The following OVCH2 variants were observed in gnomAD, a reference collection of about 807,000 sequenced individuals.
OVCH2 encodes the protein ovochymase 2, also known as ovochymase-2.
In OVCH2, 88 loss-of-function variants were observed where a neutral mutation model predicts 73.7. The observed-to-expected ratio is 1.19, with a 90% CI of 1.01 to 1.43. The LOEUF is 1.43. OVCH2 is among the 40% of genes most tolerant of loss of function. The pLI is 0.00. For synonymous variants in OVCH2, 265 were observed against 234.5 expected (o/e 1.13, Z -1.19); for missense variants, 706 against 674.5 (o/e 1.05, Z -0.52).
downstream of OVCH2, among the ~76,000 whole-genome samples, chr11:7,688,906 A>G (rs187828295): frequency 2.6e-5 from 4 of 152,350 alleles, no homozygotes; most frequent in Admixed American, 1.3e-4. Context: ...TGAGACCACA[A>G]TTTGGCACAG....
At chr11:7,701,278 A>G (rs773191871) in intron 6 of OVCH2, 46 bp downstream of exon 6, 1 of 1,556,616 alleles carries the variant, frequency 6.4e-7, no homozygotes, top group East Asian at 2.3e-5. Flanking sequence ...AACAAAACCA[A>G]GGGAATCCTT....
At chr11:7,685,578 C>T (rs1414687028), downstream of OVCH2, among the ~76,000 whole-genome samples, 1 of 150,512 alleles carries the variant, frequency 6.6e-6, no homozygotes, top group Admixed American at 6.6e-5. Flanking sequence ...CTTCTCTCTC[C>T]AGGCAGCTTT....
the OVCH2 span, among the ~76,000 whole-genome samples, chr11:7,680,230 G>T: frequency 6.6e-6 from 1 of 152,162 alleles, no homozygotes; most frequent in Non-Finnish European, 1.5e-5. Context: ...TCAATGTGTG[G>T]TCTCTTAGGC....
intron 8 of OVCH2, among the ~76,000 whole-genome samples, chr11:7,697,265 C>T (rs1467089242): frequency 6.6e-6 from 1 of 152,214 alleles, no homozygotes; most frequent in Non-Finnish European, 1.5e-5. Context: ...TGGTCTTGAA[C>T]TCCTGGACTC....
At chr11:7,699,595 A>G (rs1211249935) in intron 7 of OVCH2, 3 of 152,046 alleles carry the variant, frequency 2.0e-5, no homozygotes, top group East Asian at 3.9e-4. Flanking sequence ...TTTTTCTCCA[A>G]ATATTTTTGA....
downstream of OVCH2, among the ~76,000 whole-genome samples, chr11:7,688,240 C>A (rs1370395081): frequency 6.6e-6 from 1 of 152,122 alleles, no homozygotes; most frequent in Non-Finnish European, 1.5e-5. Flanking sequence ...TGCTACCTCC[C>A]AGACCACCCC....
At position 7,704,690 on chromosome 11, in the gene OVCH2, G is replaced by C. The variant is rs1856502292; in HGVS notation, c.89-16C>G. On this transcript the variant is annotated splice_polypyrimidine_tract_variant and intron_variant, in intron 1 of 15. Transcript: ENST00000533663. ...CAACTGGGAGCTGAGAAAAAAACGA[G>C]ACAAACTAAATGATTAGATAGCTTC... The C allele has an allele frequency of 1.3e-6, 2 of 1,542,722 alleles. No individual in the cohort carries two copies. Among genetic ancestry groups the C allele is most frequent in the African/African-American group, 1.4e-5 (1 of 73,170 alleles).
chr11:7,694,222 T>TC (rs1856277320), intron 12 of OVCH2, among the ~76,000 whole-genome samples: 1 of 152,200 alleles, frequency 6.6e-6, no homozygotes, highest in South Asian at 2.1e-4. Context: ...CTGACTGCAG[T>TC]CCTACTTCTA....
chr11:7,688,472 T>G (rs988487256), downstream of OVCH2, among the ~76,000 whole-genome samples: 1 of 152,160 alleles, frequency 6.6e-6, no homozygotes, highest in Non-Finnish European at 1.5e-5. Flanking sequence ...AGCCACACTT[T>G]ACAAAAATTT....
intron 3 of OVCH2, among the ~76,000 whole-genome samples, chr11:7,703,407 T>G (rs906134771): frequency 1.2e-4 from 19 of 152,348 alleles, no homozygotes; most frequent in Non-Finnish European, 2.5e-4. Context: ...AAGAAAACTT[T>G]CACAAATCCT....
rs775319981 is a variant in OVCH2 at position 7,703,789 on chromosome 11, C to T, written c.199G>A (p.Val67Ile). Residue 67 changes from valine (V) to isoleucine (I), a missense_variant and splice_region_variant, in exon 3 of 16, where the codon GTA becomes ATA. Coordinates refer to ENST00000533663, the MANE Select transcript of OVCH2 (RefSeq NM_198185.7). ...TGCTTCTGCCTTTGTTTCAGAGATA[C>T]CTAAATTGCAAATACCTTAAATGAA... The part of the protein sequence containing the change: ...QVEKGSYPWQ[V>I]SLKQRQKHIC... The T allele has an allele frequency of 6.2e-7, 1 of 1,601,530 alleles. No individual in the cohort carries two copies. Among genetic ancestry groups the T allele is most frequent in the Non-Finnish European group, 8.5e-7 (1 of 1,173,686 alleles).
chr11:7,685,649 T>TCCAGCCACAGCTCCTGCCCTTGC (rs931458002), downstream of OVCH2, among the ~76,000 whole-genome samples: 3 of 151,028 alleles, frequency 2.0e-5, no homozygotes, highest in African/African-American at 4.9e-5. Flanking sequence ...CCGGTCGGTG[T>TCCAGCCACAGCTCCTGCCCTTGC]CCAGCCACAG....
At chr11:7,679,069 T>A in the OVCH2 span, among the ~76,000 whole-genome samples, 2 of 152,234 alleles carry the variant, frequency 1.3e-5, no homozygotes, top group Non-Finnish European at 2.9e-5. Context: ...TAAATGACCA[T>A]TTCTTAGGTC....
intron 11 of OVCH2, 49 bp downstream of exon 11, chr11:7,695,521 C>G: frequency 6.5e-7 from 1 of 1,543,922 alleles, no homozygotes; most frequent in African/African-American, 1.4e-5. Flanking sequence ...GGGGCCTAAG[C>G]TTCTACAGAA....
chr11:7,685,710 G>T (rs1487248382), downstream of OVCH2, among the ~76,000 whole-genome samples: 1 of 142,426 alleles, frequency 7.0e-6, no homozygotes, highest in Admixed American at 6.9e-5. Context: ...ATTATTGCAG[G>T]ATATCTTTAT....
chr11:7,692,472 A>C (rs902896844), intron 12 of OVCH2, among the ~76,000 whole-genome samples: 11 of 152,200 alleles, frequency 7.2e-5, no homozygotes, highest in Non-Finnish European at 1.6e-4. Flanking sequence ...AGCGGGATAT[A>C]GCTGGCTCCT....
chr11:7,706,468 A>G lies in OVCH2; in HGVS notation c.-74T>C, dbSNP rs1856533432. ...CAAAAATAGGAAGCCTTGAGAGACCAGCAATAAGCCAATTTAAAACAAGTT... is the reference window on the plus strand; with the variant it reads ...CAAAAATAGGAAGCCTTGAGAGACCGGCAATAAGCCAATTTAAAACAAGTT... On this transcript the variant is annotated 5_prime_UTR_variant, in exon 1 of 16. Coordinates refer to ENST00000533663, the MANE Select transcript of OVCH2 (RefSeq NM_198185.7). 2.0e-6 allele frequency: 3 copies of G among 1,500,518 alleles called. No individual in the cohort carries two copies. Among genetic ancestry groups the G allele is most frequent in the East Asian group, 2.5e-5 (1 of 40,116 alleles). The allele number at this position is 1,500,518 out of a possible 1,614,324, so 93.0% of individuals were successfully genotyped here.
At chr11:7,697,638 A>G (rs1856361988) in intron 8 of OVCH2, among the ~76,000 whole-genome samples, 1 of 152,154 alleles carries the variant, frequency 6.6e-6, no homozygotes, top group Admixed American at 6.6e-5. Flanking sequence ...CTCATGCTCA[A>G]AACTTTGGTA....
At chr11:7,701,152 A>G (rs977106217) in intron 6 of OVCH2, among the ~76,000 whole-genome samples, 172 bp downstream of exon 6, 9 of 152,140 alleles carry the variant, frequency 5.9e-5, no homozygotes, top group Non-Finnish European at 8.8e-5. Context: ...TTTTTCTCAC[A>G]CATTTAACTA....
Sources: gnomAD v4.1 joint callset for allele counts (sites outside exome capture counted in the v4.1 genomes callset) on GRCh38, gnomAD v4.1.1 for gene constraint, MANE v1.5 for transcripts, NCBI Gene and HGNC (gene_info 2026-07-23, HGNC 2026-07-21) for gene names.